The following CANX variants were observed in gnomAD, a reference collection of about 807,000 sequenced individuals.
CANX encodes calnexin.
A neutral mutation model predicts 75.7 loss-of-function variants in CANX; 14 were observed. The observed-to-expected ratio is 0.19, with a 90% CI of 0.12 to 0.29. CANX has a LOEUF of 0.29. CANX is among the 10% of genes least tolerant of loss of function. The probability of loss-of-function intolerance (pLI) is 1.00; values close to 1 mark genes in which losing one functional copy is unlikely to be tolerated. For synonymous variants in CANX, 227 were observed against 236.9 expected (o/e 0.96, Z 0.38); for missense variants, 567 against 713.2 (o/e 0.79, Z 2.34).
intron 11 of CANX, chr5:179,723,366 T>A (rs1778435585): frequency 1.9e-5 from 8 of 426,820 alleles, no homozygotes; most frequent in Non-Finnish European, 3.3e-5. Context: ...ATTTAAGAAT[T>A]GGAGAGCCAG....
chr5:179,689,579 A>G (rs1776263332), intron 1 of CANX, among the ~76,000 whole-genome samples: 1 of 151,940 alleles, frequency 6.6e-6, no homozygotes. Flanking sequence ...TAATAGAGAC[A>G]GGGTTTCACC....
In CANX at chr5:179,716,292, C is replaced by A; in HGVS notation, c.909C>A (p.Asp303Glu). Residue 303 changes from aspartate (D) to glutamate (E), a missense_variant and splice_region_variant, in exon 8 of 15, where the codon GAC (aspartate) becomes GAA (glutamate). Transcript: ENST00000247461. ...ATCCAGAAGCTGTCAAGCCAGATGA[C>A]TGGTGAGTCTTGGGGAACTGTCTTC... ...IPDPEAVKPDDWDEDAPAKIP... is the reference protein window; with the variant it reads ...IPDPEAVKPDEWDEDAPAKIP... The A allele has an allele frequency of 6.2e-7, 1 of 1,612,638 alleles. No individual in the cohort carries two copies. Among genetic ancestry groups the A allele is most frequent in the Non-Finnish European group, 8.5e-7 (1 of 1,178,926 alleles).
upstream of CANX, among the ~76,000 whole-genome samples, chr5:179,694,001 G>A (rs1313059866): frequency 6.6e-5 from 10 of 152,000 alleles, no homozygotes; most frequent in East Asian, 1.9e-4. Context: ...GTAATGGGCC[G>A]GGCGTGGTGG....
In CANX at chr5:179,706,252, A is replaced by T; in HGVS notation, c.172-6A>T. 1 of 1,507,112 alleles carries T rather than the reference A, an allele frequency of 6.6e-7. No homozygotes were observed. Among genetic ancestry groups the T allele is most frequent in the Middle Eastern group, 1.7e-4 (1 of 5,852 alleles). 93.4% of individuals were successfully genotyped at this position (1,507,112 alleles called of 1,614,324 possible). On this transcript the variant is annotated splice_region_variant and splice_polypyrimidine_tract_variant and intron_variant, in intron 2 of 14. Coordinates refer to ENST00000247461, the MANE Select transcript of CANX (RefSeq NM_001746.4). ...AATTTTTAATTCATTTATGTATTTAACACAGGTTACTTACAAAGCTCCAGT... is the reference window on the plus strand; with the variant it reads ...AATTTTTAATTCATTTATGTATTTATCACAGGTTACTTACAAAGCTCCAGT...
At chr5:179,720,078 G>T (rs1365144880) in intron 9 of CANX, among the ~76,000 whole-genome samples, 1 of 151,954 alleles carries the variant, frequency 6.6e-6, no homozygotes, top group African/African-American at 2.4e-5. Flanking sequence ...TGATCTGTCT[G>T]CCTTGGCCTC....
intron 1 of CANX, among the ~76,000 whole-genome samples, chr5:179,685,437 G>A (rs1274398837): frequency 4.6e-5 from 7 of 151,456 alleles, no homozygotes; most frequent in Admixed American, 2.6e-4. Flanking sequence ...TAGTAGAGAC[G>A]GTGTTTCTCT....
At chr5:179,679,162 G>T in intron 1 of CANX, 1 of 1,535,406 alleles carries the variant, frequency 6.5e-7, no homozygotes. Context: ...TGTAGGGCAC[G>T]CAGGTGCTCG....
chr5:179,716,268 T>G lies in CANX; in HGVS notation c.885T>G (p.Asp295Glu). 2.5e-6 allele frequency: 4 copies of G among 1,614,070 alleles called. No homozygotes were observed. Among genetic ancestry groups the G allele is most frequent in the Non-Finnish European group, 2.5e-6 (3 of 1,179,966 alleles). Residue 295 changes from aspartate to glutamate, a missense_variant, in exon 8 of 15, where the codon GAT (aspartate) becomes GAG (glutamate). Asp to Glu is a conservative substitution (Grantham distance 45). Transcript: ENST00000247461. Reference sequence around the variant, plus strand: ...GGGATGAAAGACCAAAAATCCCAGATCCAGAAGCTGTCAAGCCAGATGACT... The same window carrying G: ...GGGATGAAAGACCAAAAATCCCAGAGCCAGAAGCTGTCAAGCCAGATGACT... ...EDWDERPKIP[D>E]PEAVKPDDWD... is the part of the protein sequence containing the mutation.
At chr5:179,706,014 A>G (rs1777112562) in intron 2 of CANX, among the ~76,000 whole-genome samples, 162 bp downstream of exon 2, 1 of 152,212 alleles carries the variant, frequency 6.6e-6, no homozygotes, top group Non-Finnish European at 1.5e-5. Flanking sequence ...CTAATAAAAT[A>G]TAAAAGAAAA....
rs1045259381 is a variant in CANX, at chr5:179,729,047, A to G, written c.*403A>G. 8.8e-6 allele frequency: 2 copies of G among 228,094 alleles called. No individual in the cohort carries two copies. The highest frequency in any genetic ancestry group is 4.7e-5 in the African/African-American group (2 of 42,106). The allele number at this position is 228,094 out of a possible 1,614,324, so 14.1% of individuals were successfully genotyped here. A position where few individuals can be genotyped will look rare whatever the true frequency, so the allele number is the denominator to read the frequency against. The stretch of plus-strand genomic sequence containing the variant: ...TAAAAATGTTAGGGAGATGAGTTGC[A>G]GTTTTTATAATAGATTTTTTTTAAA... On this transcript the variant is annotated 3_prime_UTR_variant, in exon 15 of 15. Transcript: ENST00000247461.
chr5:179,691,063 T>C (rs1336271151), intron 1 of CANX, among the ~76,000 whole-genome samples: 1 of 152,092 alleles, frequency 6.6e-6, no homozygotes, highest in African/African-American at 2.4e-5. Flanking sequence ...GCTCACTCTG[T>C]TGCCCAGGCT....
At chr5:179,714,663 G>A (rs1777807204) in intron 7 of CANX, among the ~76,000 whole-genome samples, 1 of 152,036 alleles carries the variant, frequency 6.6e-6, no homozygotes, top group South Asian at 2.1e-4. Context: ...GACTACAGGT[G>A]CCCACCACCA....
Position 179,724,801 on chromosome 5 carries a change from GA to G in CANX, c.1645+22del. The G allele has an allele frequency of 6.3e-7, 1 of 1,594,832 alleles. No individual in the cohort carries two copies. Among genetic ancestry groups the G allele is most frequent in the Non-Finnish European group, 8.5e-7 (1 of 1,169,872 alleles). ...GAAACTTGGTAAGAAACAGAGTCCAGAAAATCTGCTTTAAGCCAAGACCCTA... is the reference window on the plus strand; with the variant it reads ...GAAACTTGGTAAGAAACAGAGTCCAGAAATCTGCTTTAAGCCAAGACCCTA... On this transcript the variant is annotated intron_variant, in intron 13 of 14. Transcript: ENST00000247461.
At chr5:179,723,571 C>A in intron 11 of CANX, 89 bp from the exon 12 acceptor site, 1 of 1,358,154 alleles carries the variant, frequency 7.4e-7, no homozygotes, top group Non-Finnish European at 1.0e-6. Context: ...TGCGTAGTGC[C>A]ATGCCATAAC....
intron 1 of CANX, among the ~76,000 whole-genome samples, chr5:179,679,690 C>G (rs1169746679): frequency 6.6e-6 from 1 of 152,040 alleles, no homozygotes; most frequent in Non-Finnish European, 1.5e-5. Flanking sequence ...CTGAGTCTCG[C>G]TGTCGTTGCC....
At chr5:179,697,346 A>C (rs575606260), upstream of CANX, among the ~76,000 whole-genome samples, 2 of 152,196 alleles carry the variant, frequency 1.3e-5, no homozygotes, top group Admixed American at 6.5e-5. Flanking sequence ...TCACAGGGAG[A>C]GCCACCTCGC....
At chr5:179,714,855 C>G (rs1362070212) in intron 7 of CANX, among the ~76,000 whole-genome samples, 1 of 152,038 alleles carries the variant, frequency 6.6e-6, no homozygotes, top group East Asian at 1.9e-4. Flanking sequence ...ATCTCCACCT[C>G]CCAGGTTCAA....
chr5:179,698,463 C>T (rs1776488187), upstream of CANX: 1 of 1,288,962 alleles, frequency 7.8e-7, no homozygotes, highest in Admixed American at 2.3e-5. Flanking sequence ...TCTGCTCACG[C>T]CCGTAGGGGC....
chr5:179,698,882 C>A, upstream of CANX: 1 of 1,133,322 alleles, frequency 8.8e-7, no homozygotes, highest in Non-Finnish European at 1.1e-6. Flanking sequence ...CGCGGGAGGG[C>A]GGGACTTGGC....
Sources: allele counts gnomAD v4.1 joint callset (sites outside exome capture counted in the v4.1 genomes callset), GRCh38; gene constraint gnomAD v4.1.1; transcripts MANE v1.5; gene names NCBI Gene and HGNC (gene_info 2026-07-23, HGNC 2026-07-21).